Variants in MBNL1 observed in about 807,000 individuals in gnomAD.
The protein encoded by MBNL1 is muscleblind like splicing regulator 1, also known as muscleblind-like protein 1.
MBNL1 carries 8 observed loss-of-function variants against 42.2 expected under a neutral mutation model. The observed-to-expected ratio is 0.19, with a 90% CI of 0.11 to 0.34. The LOEUF (loss-of-function observed/expected upper bound fraction) is 0.34. Among genes scored for constraint, MBNL1 ranks in the 10% least tolerant of loss-of-function variants. The pLI is 1.00. For synonymous variants in MBNL1, 169 were observed against 173.9 expected, an observed-to-expected ratio of 0.97 and a Z score of 0.22; for missense variants, 309 against 495.3, an observed-to-expected ratio of 0.62 and a Z score of 3.57.
chr3:152,337,432 C>T (rs962735500), intron 2 of MBNL1, among the ~76,000 whole-genome samples: 1 of 152,052 alleles, frequency 6.6e-6, no homozygotes, highest in African/African-American at 2.4e-5. Context: ...ACAGCCTGGC[C>T]AGCATGGTGA....
chr3:152,327,093 G>C (rs898116548), intron 2 of MBNL1, among the ~76,000 whole-genome samples: 1 of 152,048 alleles, frequency 6.6e-6, no homozygotes, highest in African/African-American at 2.4e-5. Context: ...ACAGGCGTGA[G>C]CCACTGCGCT....
intron 2 of MBNL1, among the ~76,000 whole-genome samples, chr3:152,339,472 C>T (rs2092494714): frequency 6.6e-6 from 1 of 151,882 alleles, no homozygotes; most frequent in South Asian, 2.1e-4. Flanking sequence ...GTGCCCCCTT[C>T]CTTTTCTTTT....
intron 2 of MBNL1, among the ~76,000 whole-genome samples, chr3:152,250,752 G>A (rs2034382942): frequency 6.6e-6 from 1 of 151,376 alleles, no homozygotes; most frequent in East Asian, 1.9e-4. Flanking sequence ...TATTGGCTGT[G>A]GGTTTGTCAT....
intron 2 of MBNL1, among the ~76,000 whole-genome samples, chr3:152,318,496 GT>G (rs1039256268): frequency 1.3e-5 from 2 of 152,128 alleles, no homozygotes; most frequent in Non-Finnish European, 2.9e-5. Flanking sequence ...ATGATAAAAT[GT>G]TTTAAGTTTA....
upstream of MBNL1, chr3:152,266,360 T>G (rs1240055762): frequency 6.6e-6 from 1 of 152,186 alleles, no homozygotes; most frequent in Non-Finnish European, 1.5e-5. Flanking sequence ...CCATTTCTCT[T>G]TTGCTCCCAG....
chr3:152,340,815 A>G (rs770880559), intron 2 of MBNL1: 2 of 1,613,902 alleles, frequency 1.2e-6, no homozygotes, highest in Non-Finnish European at 1.7e-6. Flanking sequence ...CTACTTTTGC[A>G]TAACCACTGA....
At chr3:152,267,080 C>T (rs1427078657), upstream of MBNL1, 1 of 152,248 alleles carries the variant, frequency 6.6e-6, no homozygotes, top group African/African-American at 2.4e-5. Context: ...CTTGTATATA[C>T]CCTGCTCCTT....
At chr3:152,323,277 C>A (rs2077450357) in intron 2 of MBNL1, among the ~76,000 whole-genome samples, 1 of 151,834 alleles carries the variant, frequency 6.6e-6, no homozygotes, top group South Asian at 2.1e-4. Context: ...CCCTTTTATA[C>A]CCATATAAAA....
At chr3:152,282,789 A>T (rs1322676658) in intron 1 of MBNL1, among the ~76,000 whole-genome samples, 1 of 152,204 alleles carries the variant, frequency 6.6e-6, no homozygotes, top group Admixed American at 6.6e-5. Flanking sequence ...TTTTATTTTC[A>T]TGTAAAGAAA....
At chr3:152,440,345 A>G (rs964050800) in intron 4 of MBNL1, among the ~76,000 whole-genome samples, 2 of 152,236 alleles carry the variant, frequency 1.3e-5, no homozygotes, top group South Asian at 2.1e-4. Flanking sequence ...ACGAAAAGAA[A>G]GAGGTTTATT....
chr3:152,327,353 CTT>C (rs919392773), intron 2 of MBNL1, among the ~76,000 whole-genome samples: 8 of 150,186 alleles, frequency 5.3e-5, no homozygotes, highest in African/African-American at 2.0e-4. Context: ...TTCTTTCTTT[CTT>C]TTTTTTTATT....
chr3:152,317,178 TTTA>T (rs2072377484), intron 2 of MBNL1, among the ~76,000 whole-genome samples: 1 of 152,208 alleles, frequency 6.6e-6, no homozygotes, highest in African/African-American at 2.4e-5. Context: ...ATTAACTTCC[TTTA>T]TTAATGACAA....
chr3:152,445,221 T>G, intron 4 of MBNL1, 61 bp from the exon 5 acceptor site: 6 of 1,484,672 alleles, frequency 4.0e-6, no homozygotes, highest in Non-Finnish European at 5.5e-6. Context: ...TAAGTTAAAA[T>G]CTTCAGAAAG....
chr3:152,305,599 G>T (rs1451944068), intron 2 of MBNL1, among the ~76,000 whole-genome samples: 1 of 151,932 alleles, frequency 6.6e-6, no homozygotes, highest in Non-Finnish European at 1.5e-5. Flanking sequence ...GTAGAAGTGG[G>T]TAACTAGATA....
chr3:152,266,271 CT>C (rs1410604420), upstream of MBNL1: 6 of 152,256 alleles, frequency 3.9e-5, no homozygotes, highest in African/African-American at 1.4e-4. Context: ...GGTTATTCTA[CT>C]GTTTCTAACA....
At chr3:152,275,794 A>G (rs1359530652) in intron 1 of MBNL1, among the ~76,000 whole-genome samples, 3 of 149,632 alleles carry the variant, frequency 2.0e-5, no homozygotes, top group Admixed American at 6.7e-5. Context: ...AGGATACATG[A>G]GGTTTCTAAA....
At chr3:152,290,215 T>C (rs991593256) in intron 1 of MBNL1, among the ~76,000 whole-genome samples, 2 of 152,104 alleles carry the variant, frequency 1.3e-5, no homozygotes, top group African/African-American at 4.8e-5. Context: ...CTGAGGGCAA[T>C]TATCACATTA....
chr3:152,456,449 G>C, intron 8 of MBNL1, 88 bp downstream of exon 8: 1 of 1,066,808 alleles, frequency 9.4e-7, no homozygotes, highest in Non-Finnish European at 1.5e-6. Flanking sequence ...TTCCCATTGA[G>C]GTCAGTGGGA....
At chr3:152,325,783 T>C (rs1339560777) in intron 2 of MBNL1, among the ~76,000 whole-genome samples, 3 of 114,614 alleles carry the variant, frequency 2.6e-5, no homozygotes, top group Non-Finnish European at 5.2e-5. Context: ...CTTCCAGATA[T>C]GAACTCATTC....
Sources: allele counts gnomAD v4.1 joint callset (sites outside exome capture counted in the v4.1 genomes callset), GRCh38; gene constraint gnomAD v4.1.1; transcripts MANE v1.5; gene names NCBI Gene and HGNC (gene_info 2026-07-23, HGNC 2026-07-21).